Variants in QSER1 observed in about 807,000 individuals in gnomAD.
QSER1 encodes glutamine and serine rich 1.
In QSER1, 49 loss-of-function variants were observed where a neutral mutation model predicts 158.5. The ratio of observed to expected loss-of-function variants is 0.31; its 90% CI spans 0.25 to 0.39. The LOEUF (loss-of-function observed/expected upper bound fraction) is 0.39, where lower values mean the gene tolerates loss of function less well. Ranked by LOEUF, QSER1 falls within the 10% of genes least tolerant of loss-of-function variation. The pLI is 1.00. For synonymous variants in QSER1, 650 were observed against 715.5 expected, an observed-to-expected ratio of 0.91 and a Z score of 1.46; for missense variants, 1,754 against 2,010.3, an observed-to-expected ratio of 0.87 and a Z score of 2.44.
intron 1 of QSER1, among the ~76,000 whole-genome samples, chr11:32,906,110 T>G (rs533541722): frequency 0.019 from 2,855 of 151,150 alleles, 40 homozygotes; most frequent in South Asian, 0.035. Context: ...TTTAGTTTTT[T>G]TTTTTTTTTT....
Position 32,975,333 on chromosome 11 carries a change from G to T in QSER1, c.5444G>T (p.Cys1815Phe). ...HHYKYHVYLI[C>F]KDEISSVQKK... ...TATAAGTACCATGTTTATCTGATAT[G>T]TAAGGATGAGGTAATTTCTTCTCAT... Residue 1815 changes from cysteine (C) to phenylalanine (F), a missense_variant, in exon 12 of 13, where the codon TGT (cysteine) becomes TTT (phenylalanine). Coordinates refer to ENST00000650167, the MANE Select transcript of QSER1 (RefSeq NM_001076786.3). The T allele has an allele frequency of 6.3e-7, 1 of 1,596,710 alleles. No individual in the cohort carries two copies. Among genetic ancestry groups the T allele is most frequent in the Non-Finnish European group, 8.6e-7 (1 of 1,165,172 alleles).
chr11:32,913,328 C>T (rs1294609058), intron 1 of QSER1, among the ~76,000 whole-genome samples: 1 of 151,566 alleles, frequency 6.6e-6, no homozygotes, highest in Non-Finnish European at 1.5e-5. Context: ...GTAGCTGGGA[C>T]TACAGGTGCG....
rs569992153 is a variant in QSER1 at position 32,912,591 on chromosome 11, G to T, written c.210-14566G>T. 2.0e-5 allele frequency among the ~76,000 whole-genome samples: 3 copies of T among 152,090 alleles called. No homozygotes were observed. In the East Asian group the frequency reaches 5.8e-4, roughly 29 times the overall value. On this transcript the variant is annotated intron_variant, in intron 1 of 12. Transcript: ENST00000650167. The stretch of plus-strand genomic sequence containing the variant: ...AGTTTGAAAAAACTAACCAGGCGAT[G>T]CTGATGAGCATCGCCTGGTTACAGA...
chr11:32,948,343 A>T (rs1349259778), intron 4 of QSER1, among the ~76,000 whole-genome samples: 28 of 152,250 alleles, frequency 1.8e-4, no homozygotes, highest in Admixed American at 1.8e-3. Flanking sequence ...CTCTAGAGCA[A>T]ATCACTAACT....
At chr11:32,962,881 C>T (rs552684668) in intron 8 of QSER1, among the ~76,000 whole-genome samples, 1 of 152,286 alleles carries the variant, frequency 6.6e-6, no homozygotes, top group South Asian at 2.1e-4. Context: ...AAATTAAGGT[C>T]TGCCAAATAC....
Position 32,932,600 on chromosome 11 carries a change from G to A in QSER1, c.1342G>A (p.Val448Ile). The change falls in exon 4 of 13, where the codon GTA becomes ATA. Residue 448 changes from valine (V) to isoleucine (I), a missense_variant. Transcript: ENST00000650167. Reference protein sequence around the residue: ...YSKPLHNQSSVISGQAQIYST... With the variant: ...YSKPLHNQSSIISGQAQIYST... ...CAAACCTTTACATAATCAGAGTTCT[G>A]TAATATCGGGCCAAGCACAAATTTA... The A allele has an allele frequency of 6.2e-7, 1 of 1,614,048 alleles. No individual in the cohort carries two copies. The highest frequency in any genetic ancestry group is 8.5e-7 in the Non-Finnish European group (1 of 1,179,998).
Position 32,900,837 on chromosome 11 carries a change from G to A in QSER1, c.209+7503G>A, listed in dbSNP as rs376238908. 8.5e-4 allele frequency among the ~76,000 whole-genome samples: 129 copies of A among 152,316 alleles called. No homozygotes were observed. The Middle Eastern group carries it at 0.014, about 16-fold the overall frequency. ...CCCCACATGTTACCTTCTCAGAAAG[G>A]CCTTCTCTGACTGCCCTGTCTAAAG... On this transcript the variant is annotated intron_variant, in intron 1 of 12. Transcript: ENST00000650167.
intron 4 of QSER1, among the ~76,000 whole-genome samples, chr11:32,952,232 C>T (rs888627680): frequency 4.6e-5 from 7 of 152,186 alleles, no homozygotes; most frequent in African/African-American, 1.7e-4. Context: ...ATACAGTTTT[C>T]ACCACTAAGT....
chr11:32,899,471 C>A (rs1335450669), intron 1 of QSER1, among the ~76,000 whole-genome samples: 1 of 152,162 alleles, frequency 6.6e-6, no homozygotes, highest in Non-Finnish European at 1.5e-5. Context: ...ACACAGTTTT[C>A]TTTTATTCAT....
At chr11:32,918,021 A>G (rs1851857501) in intron 1 of QSER1, among the ~76,000 whole-genome samples, 1 of 152,124 alleles carries the variant, frequency 6.6e-6, no homozygotes, top group Admixed American at 6.6e-5. Context: ...TTTAATTAGC[A>G]TGGAGTGACC....
intron 1 of QSER1, among the ~76,000 whole-genome samples, chr11:32,904,833 C>G (rs184383953): frequency 6.6e-6 from 1 of 152,200 alleles, no homozygotes; most frequent in Non-Finnish European, 1.5e-5. Context: ...CACCATCAAC[C>G]CTGCTTAAGG....
chr11:32,967,324 G>T (rs934765963), intron 9 of QSER1, among the ~76,000 whole-genome samples: 17 of 152,072 alleles, frequency 1.1e-4, no homozygotes, highest in Non-Finnish European at 2.2e-4. Context: ...AGACTCAGAA[G>T]GGGAGAGGGT....
intron 1 of QSER1, among the ~76,000 whole-genome samples, chr11:32,907,731 A>T (rs980653397): frequency 1.3e-5 from 2 of 152,232 alleles, no homozygotes; most frequent in African/African-American, 4.8e-5. Flanking sequence ...CTAAATAAAC[A>T]TGCCTGGTAT....
rs541191833 is a variant in QSER1, at chr11:32,978,864, G to C, written c.*2390G>C. 1.3e-5 allele frequency: 2 copies of C among 152,206 alleles called. No individual in the cohort carries two copies. The highest frequency in any genetic ancestry group is 4.8e-5 in the African/African-American group (2 of 41,440). 9.4% of individuals were successfully genotyped at this position (152,206 alleles called of 1,614,324 possible). On this transcript the variant is annotated 3_prime_UTR_variant, in exon 13 of 13. Coordinates refer to ENST00000650167, the MANE Select transcript of QSER1 (RefSeq NM_001076786.3). ...ACAGCCGTCCATGAGTTATCGCTTT[G>C]TATGAAGTTAAATACAGTCATGCGT...
In QSER1 at chr11:32,933,585, G is replaced by A; in HGVS notation, c.2327G>A (p.Gly776Asp). ...GTGACACAACTTAACCAACAAATTGGCCAAGTCAATAATGCAGCTACCCTT... is the reference window on the plus strand; with the variant it reads ...GTGACACAACTTAACCAACAAATTGACCAAGTCAATAATGCAGCTACCCTT... ...GSVTQLNQQI[G>D]QVNNAATLDL... is the part of the protein sequence containing the mutation. The change falls in exon 4 of 13, where the codon GGC (glycine) becomes GAC (aspartate). Residue 776 changes from glycine (G) to aspartate (D), a missense_variant. Physicochemically the swap from Gly to Asp is moderately conservative, Grantham distance 94. Transcript: ENST00000650167. 1 of 1,613,970 alleles carries A rather than the reference G, an allele frequency of 6.2e-7. No individual in the cohort carries two copies. The highest frequency in any genetic ancestry group is 8.5e-7 in the Non-Finnish European group (1 of 1,179,948).
At chr11:32,904,285 C>T (rs1851663181) in intron 1 of QSER1, among the ~76,000 whole-genome samples, 1 of 151,690 alleles carries the variant, frequency 6.6e-6, no homozygotes, top group Admixed American at 6.6e-5. Context: ...CTCCAACTCC[C>T]AGGTTCAAGC....
In QSER1 at chr11:32,892,843, GGCCGCCGCCGCC is replaced by G. The variant is rs562526200; in HGVS notation, c.-275_-264del. On this transcript the variant is annotated 5_prime_UTR_variant, in exon 1 of 13. Transcript: ENST00000650167. ...GAAATCCACCAACATGGGGCGCAGC[GGCCGCCGCCGCC>G]GCCGCCGTCGCCGCGAGTCCCGGCC... Among the ~76,000 whole-genome samples, 5 of 144,874 alleles carry G rather than the reference GGCCGCCGCCGCC, an allele frequency of 3.5e-5. No homozygotes were observed. The highest frequency in any genetic ancestry group is 1.0e-4 in the African/African-American group (4 of 39,712).
intron 4 of QSER1, among the ~76,000 whole-genome samples, chr11:32,946,666 G>T (rs1183739049): frequency 2.6e-5 from 4 of 152,142 alleles, no homozygotes; most frequent in Non-Finnish European, 5.9e-5. Context: ...GTCTGCAGAG[G>T]TTACTGCTGT....
chr11:32,971,979 C>T (rs567132517), intron 10 of QSER1, among the ~76,000 whole-genome samples: 2 of 150,900 alleles, frequency 1.3e-5, no homozygotes, highest in African/African-American at 2.4e-5. Context: ...AGGAGAATGG[C>T]GTGAACCCAG....
Sources: allele counts gnomAD v4.1 joint callset (sites outside exome capture counted in the v4.1 genomes callset), GRCh38; gene constraint gnomAD v4.1.1; transcripts MANE v1.5; gene names NCBI Gene and HGNC (gene_info 2026-07-23, HGNC 2026-07-21).